The following CCDC126 variants were observed in gnomAD, a reference collection of about 807,000 sequenced individuals.
The protein encoded by CCDC126 is coiled-coil domain-containing protein 126.
A neutral mutation model predicts 11.7 loss-of-function variants in CCDC126; 5 were observed. The ratio of observed to expected loss-of-function variants is 0.43; its 90% CI spans 0.22 to 0.90. The LOEUF is 0.90. Among genes scored for constraint, CCDC126 ranks in the 40% least tolerant of loss-of-function variants. The pLI, the probability that CCDC126 is intolerant of heterozygous loss-of-function variation, is 0.27. For synonymous variants in CCDC126, 60 were observed against 61.9 expected (o/e 0.97, Z 0.14); for missense variants, 150 against 163.1 (o/e 0.92, Z 0.44).
Position 23,642,911 on chromosome 7 carries a change from A to G in CCDC126, c.239-20A>G. Reference sequence around the variant, plus strand: ...GAAGAGCTCTATTAATGTTAATTTTATTCTGATTTATTCCCCTAGCGGATC... The same window carrying G: ...GAAGAGCTCTATTAATGTTAATTTTGTTCTGATTTATTCCCCTAGCGGATC... On this transcript the variant is annotated intron_variant, in intron 3 of 3. Transcript: ENST00000307471. 3 of 1,604,268 alleles carry G rather than the reference A, an allele frequency of 1.9e-6. No homozygotes were observed. The highest frequency in any genetic ancestry group is 2.6e-6 in the Non-Finnish European group (3 of 1,172,926).
chr7:23,618,040 C>T (rs139317728), intron 3 of CCDC126, among the ~76,000 whole-genome samples: 2 of 152,256 alleles, frequency 1.3e-5, no homozygotes, highest in East Asian at 3.9e-4. Context: ...AAGGGAGATA[C>T]GCATAGGACA....
chr7:23,610,934 C>T (rs565657011), intron 2 of CCDC126, among the ~76,000 whole-genome samples: 4 of 152,096 alleles, frequency 2.6e-5, no homozygotes, highest in African/African-American at 7.2e-5. Flanking sequence ...AGTTTTATGA[C>T]CATGGTTGCA....
chr7:23,621,681 G>A (rs981809083), intron 3 of CCDC126, among the ~76,000 whole-genome samples: 1 of 152,114 alleles, frequency 6.6e-6, no homozygotes, highest in Non-Finnish European at 1.5e-5. Flanking sequence ...AATGCTTCCA[G>A]TTTTTGCCCA....
rs1562502484 is a variant in CCDC126, at chr7:23,644,544, CTCTCT to C, written c.*1440_*1444del. The C allele has an allele frequency of 1.3e-5, 2 of 152,528 alleles. No homozygotes were observed. The highest frequency in any genetic ancestry group is 2.1e-4 in the South Asian group (1 of 4,816). 9.4% of individuals were successfully genotyped at this position (152,528 alleles called of 1,614,324 possible). ...TTTCATGAAAGACAGATTTCCAAAT[CTCTCT>C]TCTCTTCTCTGTACTGTCTACCTTT... On this transcript the variant is annotated 3_prime_UTR_variant, in exon 4 of 4. Transcript: ENST00000307471.
intron 3 of CCDC126, among the ~76,000 whole-genome samples, chr7:23,626,769 GT>G (rs1783023002): frequency 6.6e-6 from 1 of 152,060 alleles, no homozygotes; most frequent in Non-Finnish European, 1.5e-5. Flanking sequence ...TTGGTTTTCT[GT>G]TTCTGCATTA....
intron 3 of CCDC126, chr7:23,622,671 C>T: frequency 1.9e-6 from 1 of 533,356 alleles, no homozygotes; most frequent in South Asian, 1.4e-5. Flanking sequence ...GGAACCTATG[C>T]AGATGACTGC....
At chr7:23,620,772 G>T (rs912039288) in intron 3 of CCDC126, among the ~76,000 whole-genome samples, 36 of 152,290 alleles carry the variant, frequency 2.4e-4, no homozygotes, top group African/African-American at 8.4e-4. Flanking sequence ...GTAAGGAAGG[G>T]ATCCAGTTTC....
At chr7:23,636,655 C>T (rs1208686378) in intron 3 of CCDC126, among the ~76,000 whole-genome samples, 17 of 147,142 alleles carry the variant, frequency 1.2e-4, no homozygotes, top group Non-Finnish European at 2.0e-4. Context: ...TGAGGAGCCC[C>T]TCCGTCCGGC....
chr7:23,622,567 T>C, intron 3 of CCDC126: 3 of 536,436 alleles, frequency 5.6e-6, no homozygotes, highest in South Asian at 4.2e-5. Flanking sequence ...GTGTAACTGA[T>C]TGTGTAATGG....
intron 3 of CCDC126, among the ~76,000 whole-genome samples, chr7:23,612,043 G>A (rs1782720705): frequency 6.6e-6 from 1 of 151,952 alleles, no homozygotes; most frequent in Admixed American, 6.6e-5. Context: ...CTACTTGGGA[G>A]GTTGAGGCAG....
chr7:23,601,594 G>A (rs947252131), intron 2 of CCDC126, among the ~76,000 whole-genome samples: 3 of 152,054 alleles, frequency 2.0e-5, no homozygotes, highest in African/African-American at 4.8e-5. Flanking sequence ...GATGCCTAAC[G>A]TTTCTCTGTA....
intron 2 of CCDC126, among the ~76,000 whole-genome samples, chr7:23,600,280 G>A (rs187179352): frequency 3.6e-4 from 54 of 150,764 alleles, no homozygotes; most frequent in South Asian, 4.2e-4. Flanking sequence ...CATTATTTCC[G>A]TATCTTAGCT....
chr7:23,623,747 C>T (rs1224496592), intron 3 of CCDC126, among the ~76,000 whole-genome samples: 3 of 152,104 alleles, frequency 2.0e-5, no homozygotes, highest in Non-Finnish European at 4.4e-5. Context: ...GTTCTCATCA[C>T]AGAAATATAT....
chr7:23,637,464 C>T (rs866231158), intron 3 of CCDC126, among the ~76,000 whole-genome samples: 4,391 of 67,046 alleles, frequency 0.065, 6 homozygotes, highest in Non-Finnish European at 0.093. Flanking sequence ...CCAGCCGCCC[C>T]ATCCGGGAGG....
At chr7:23,639,733 C>T (rs1222465352) in intron 3 of CCDC126, among the ~76,000 whole-genome samples, 1 of 152,154 alleles carries the variant, frequency 6.6e-6, no homozygotes, top group South Asian at 2.1e-4. Flanking sequence ...ATAGTTTCCT[C>T]CTCACTTTAT....
At chr7:23,609,233 G>T (rs2128015328) in intron 2 of CCDC126, among the ~76,000 whole-genome samples, 1 of 152,026 alleles carries the variant, frequency 6.6e-6, no homozygotes, top group African/African-American at 2.4e-5. Flanking sequence ...GCCCAGGCTG[G>T]AGTGCAATGT....
chr7:23,636,036 T>C (rs1353633620), intron 3 of CCDC126, among the ~76,000 whole-genome samples: 1 of 127,932 alleles, frequency 7.8e-6, no homozygotes, highest in African/African-American at 2.8e-5. Context: ...CTGGTTTTCG[T>C]TTTTTTTTTG....
In CCDC126 at chr7:23,611,770, T is replaced by C. The variant is rs145290239; in HGVS notation, c.238+217T>C. Among the ~76,000 whole-genome samples, 357 of 152,336 alleles carry C rather than the reference T, an allele frequency of 2.3e-3. 12 individuals carry two copies. In the East Asian group the frequency reaches 0.064, roughly 27 times the overall value. ...AACAGTTATTAACATTTGGCAACAT[T>C]TGTTTTATCTAATTGTTGAAGAATA... On this transcript the variant is annotated intron_variant, in intron 3 of 3. Coordinates refer to ENST00000307471, the MANE Select transcript of CCDC126 (RefSeq NM_138771.4).
At chr7:23,622,720 G>A (rs1210128576) in intron 3 of CCDC126, 1 of 525,806 alleles carries the variant, frequency 1.9e-6, no homozygotes, top group Non-Finnish European at 3.8e-6. Flanking sequence ...GTTACATTGT[G>A]GCCACAGTTG....
Sources: allele counts gnomAD v4.1 joint callset (sites outside exome capture counted in the v4.1 genomes callset), GRCh38; gene constraint gnomAD v4.1.1; transcripts MANE v1.5; gene names NCBI Gene and HGNC (gene_info 2026-07-23, HGNC 2026-07-21).